Variants in SLC38A10 observed in about 807,000 individuals in gnomAD.
The protein encoded by SLC38A10 is Sodium-coupled neutral amino acid transporter 10.
SLC38A10 carries 53 observed loss-of-function variants against 81.0 expected under a neutral mutation model. That is an observed-to-expected ratio of 0.65 (90% confidence interval 0.53 to 0.82). The LOEUF is 0.82. Among genes scored for constraint, SLC38A10 ranks in the 40% least tolerant of loss-of-function variants. The probability of loss-of-function intolerance (pLI) is 0.00; values close to 1 mark genes in which losing one functional copy is unlikely to be tolerated. For missense variants in SLC38A10, 1,471 were observed against 1,545.0 expected (o/e 0.95, Z 0.80); for synonymous variants, 665 against 655.3 (o/e 1.01, Z -0.23).
At chr17:81,251,970 T>G in intron 13 of SLC38A10, 3 of 680,424 alleles carry the variant, frequency 4.4e-6, no homozygotes, top group Non-Finnish European at 7.0e-6. Context: ...CACCTGACAT[T>G]TAGTGGTCTG....
intron 4 of SLC38A10, among the ~76,000 whole-genome samples, chr17:81,282,895 G>A (rs985921345): frequency 6.6e-6 from 1 of 152,172 alleles, no homozygotes; most frequent in Non-Finnish European, 1.5e-5. Flanking sequence ...GCACCCTAAC[G>A]TGCCGTGATG....
chr17:81,245,739 A>T lies in SLC38A10; in HGVS notation c.3177T>A (p.His1059Gln), dbSNP rs747103608. ...CCCTCGGGGCCAGCTGACCCTCTGCATGAGGGCCAAGGTCCCGCCGTCGCC... is the reference window on the plus strand; with the variant it reads ...CCCTCGGGGCCAGCTGACCCTCTGCTTGAGGGCCAAGGTCCCGCCGTCGCC... The part of the protein sequence containing the change: ...LRRRRRDLGP[H>Q]AEGQLAPRDG... Residue 1059 changes from histidine (H) to glutamine (Q), a missense_variant, in exon 16 of 16, where the codon CAT becomes CAA. By Grantham distance (24) the His-to-Gln change is conservative. Around this residue, in one of 2 missense-constraint regions of SLC38A10, gnomAD observed 751 missense variants for 717.4 expected, o/e 1.05. Coordinates refer to ENST00000374759, the MANE Select transcript of SLC38A10 (RefSeq NM_001037984.3). The T allele has an allele frequency of 6.3e-7, 1 of 1,596,734 alleles. No individual in the cohort carries two copies. The highest frequency in any genetic ancestry group is 1.1e-5 in the South Asian group (1 of 90,372).
chr17:81,251,793 T>A, intron 13 of SLC38A10, 181 bp from the exon 14 acceptor site: 1 of 650,674 alleles, frequency 1.5e-6, no homozygotes, highest in Non-Finnish European at 2.3e-6. Flanking sequence ...AAAAAATATT[T>A]AACAACCTCA....
rs189903295 is a variant in SLC38A10, at chr17:81,283,218, C to G, written c.357+191G>C. Among the ~76,000 whole-genome samples, 1 of 152,142 alleles carries G rather than the reference C, an allele frequency of 6.6e-6. No homozygotes were observed. Among genetic ancestry groups the G allele is most frequent in the Non-Finnish European group, 1.5e-5 (1 of 68,012 alleles). On this transcript the variant is annotated intron_variant, in intron 4 of 15. Coordinates refer to ENST00000374759, the MANE Select transcript of SLC38A10 (RefSeq NM_001037984.3). This position sits in a 1 kb window ranked among gnomAD's most constrained non-coding sequence, Gnocchi z 4.7. ...GTGTCAGACTCTGCCTGGCTTGCTTCCTCGCGTGTACCTCTCACAGACGTG... is the reference window on the plus strand; with the variant it reads ...GTGTCAGACTCTGCCTGGCTTGCTTGCTCGCGTGTACCTCTCACAGACGTG...
At chr17:81,250,314 G>C (rs1265990878) in intron 14 of SLC38A10, among the ~76,000 whole-genome samples, 1 of 152,238 alleles carries the variant, frequency 6.6e-6, no homozygotes, top group Admixed American at 6.5e-5. Context: ...GGCGCCTTTT[G>C]GCTCTGCCTT....
At chr17:81,282,139 T>C in intron 5 of SLC38A10, 50 bp downstream of exon 5, 9 of 1,605,606 alleles carry the variant, frequency 5.6e-6, no homozygotes, top group Non-Finnish European at 7.7e-6. Flanking sequence ...CAGGAAAGAA[T>C]GGGCCAGGAG....
rs769070261 is a variant in SLC38A10 at position 81,276,139 on chromosome 17, C to T, written c.742G>A (p.Gly248Ser). The change falls in exon 8 of 16, where the codon GGC becomes AGC. Residue 248 changes from glycine to serine, a missense_variant. Gly to Ser is a moderately conservative substitution (Grantham distance 56). Transcript: ENST00000374759. The surrounding 1 kb of genome is among the most constrained non-coding windows in gnomAD (Gnocchi z 4.7). ...GTGGCCTCGGTGAAGCTGACGTAGC[C>T]GAAAAACCCCACCTGTTGGAGAATA... The part of the protein sequence containing the change: ...TTFYVMVGFF[G>S]YVSFTEATAG... 2.5e-6 allele frequency: 4 copies of T among 1,610,588 alleles called. No homozygotes were observed. The East Asian group carries it at 6.7e-5, about 27-fold the overall frequency.
chr17:81,274,988 C>A (rs925351440), intron 8 of SLC38A10, among the ~76,000 whole-genome samples: 2 of 152,218 alleles, frequency 1.3e-5, no homozygotes, highest in Non-Finnish European at 2.9e-5. Context: ...CCCACTGCAG[C>A]CTTGAACTCT....
At position 81,277,960 on chromosome 17, in the gene SLC38A10, G is replaced by C. The variant is rs920213262; in HGVS notation, c.627-827C>G. 6.6e-6 allele frequency among the ~76,000 whole-genome samples: 1 copy of C among 151,892 alleles called. No homozygotes were observed. The highest frequency in any genetic ancestry group is 1.9e-4 in the East Asian group (1 of 5,160). Reference sequence around the variant, plus strand: ...GTGGGAGTCCAGGGGGGTGCTCCTAGGGTGTCCAGGTGGCCATGGCCATGG... The same window carrying C: ...GTGGGAGTCCAGGGGGGTGCTCCTACGGTGTCCAGGTGGCCATGGCCATGG... On this transcript the variant is annotated intron_variant, in intron 6 of 15. Coordinates refer to ENST00000374759, the MANE Select transcript of SLC38A10 (RefSeq NM_001037984.3). This position sits in a 1 kb window ranked among gnomAD's most constrained non-coding sequence, Gnocchi z 4.5.
At position 81,253,291 on chromosome 17, in the gene SLC38A10, CGGGGCAGCTCTCCCT is replaced by C; in HGVS notation, c.1289-66_1289-52del. ...CTGCACTGCCAAGCAGCTCCAGGAG[CGGGGCAGCTCTCCCT>C]GGACTGTTACCATATTTTCCAGCCA... On this transcript the variant is annotated intron_variant, in intron 11 of 15. Transcript: ENST00000374759. This position sits in a 1 kb window ranked among gnomAD's most constrained non-coding sequence, Gnocchi z 4.1. 1 of 1,593,224 alleles carries C rather than the reference CGGGGCAGCTCTCCCT, an allele frequency of 6.3e-7. No individual in the cohort carries two copies. Among genetic ancestry groups the C allele is most frequent in the Non-Finnish European group, 8.6e-7 (1 of 1,166,446 alleles).
chr17:81,284,718 A>G (rs959238673), intron 3 of SLC38A10, 132 bp downstream of exon 3: 11 of 655,746 alleles, frequency 1.7e-5, no homozygotes, highest in South Asian at 2.5e-5. Flanking sequence ...TTGGACTTTC[A>G]TGTATTTAGC....
At position 81,294,892 on chromosome 17, in the gene SLC38A10, C is replaced by G; in HGVS notation, c.30G>C (p.Gly10=). 6.3e-6 allele frequency: 10 copies of G among 1,593,472 alleles called. No individual in the cohort carries two copies. Among genetic ancestry groups the G allele is most frequent in the Non-Finnish European group, 8.5e-6 (10 of 1,171,494 alleles). Reference sequence around the variant, plus strand: ...TGCTGTTCACGATGTTCGTGATCAGCCCCCAGTTGGAGGCGGCGGCCGCGG... The same window carrying G: ...TGCTGTTCACGATGTTCGTGATCAGGCCCCAGTTGGAGGCGGCGGCCGCGG... MTAAAASNW[G]LITNIVNSIV... The change falls in exon 1 of 16, where the codon GGG becomes GGC. Residue 10 remains glycine (G), a synonymous_variant. Transcript: ENST00000374759.
Position 81,249,454 on chromosome 17 carries a change from A to G in SLC38A10, c.2065+2039T>C, listed in dbSNP as rs2062888086. On this transcript the variant is annotated intron_variant, in intron 14 of 15. Coordinates refer to ENST00000374759, the MANE Select transcript of SLC38A10 (RefSeq NM_001037984.3). ...AGGAGGGAGGGAGAAGGAGGGAGGG[A>G]AGAGGAGGGAGGAGGGAAGAGGAGG... Among the ~76,000 whole-genome samples the G allele has an allele frequency of 4.4e-3, 4 of 902 alleles. 1 individual carries two copies. Among genetic ancestry groups the G allele is most frequent in the African/African-American group, 0.014 (4 of 278 alleles). 0.6% of individuals were successfully genotyped at this position (902 alleles called of 152,430 possible).
chr17:81,255,552 G>A (rs1279530284), intron 11 of SLC38A10, among the ~76,000 whole-genome samples: 1 of 152,196 alleles, frequency 6.6e-6, no homozygotes, highest in Non-Finnish European at 1.5e-5. Flanking sequence ...TCTGGCATCC[G>A]AATTTCTTCT....
chr17:81,260,876 C>A (rs760077156), intron 10 of SLC38A10, among the ~76,000 whole-genome samples: 7 of 152,250 alleles, frequency 4.6e-5, no homozygotes, highest in African/African-American at 7.2e-5. Context: ...CAGACTTGAG[C>A]GTCCCCGTCC....
chr17:81,287,273 G>C (rs1169376678), intron 2 of SLC38A10, among the ~76,000 whole-genome samples: 1 of 152,188 alleles, frequency 6.6e-6, no homozygotes, highest in African/African-American at 2.4e-5. Flanking sequence ...ATGCCTGGGT[G>C]GGGGCAGATG....
rs373480846 is a variant in SLC38A10, at chr17:81,269,840, C to T, written c.1131+1078G>A. Among the ~76,000 whole-genome samples the T allele has an allele frequency of 4.6e-4, 70 of 151,004 alleles. No homozygotes were observed. The East Asian group carries it at 5.4e-3, about 12-fold the overall frequency. On this transcript the variant is annotated intron_variant, in intron 10 of 15. Transcript: ENST00000374759. Reference sequence around the variant, plus strand: ...TCTCACTAAAAATACAAAATTAGCCCGGCGTGGTGGCTACTCAGGAGGCTG... The same window carrying T: ...TCTCACTAAAAATACAAAATTAGCCTGGCGTGGTGGCTACTCAGGAGGCTG...
intron 6 of SLC38A10, among the ~76,000 whole-genome samples, chr17:81,278,269 A>C (rs564896779): frequency 2.6e-5 from 4 of 152,328 alleles, no homozygotes; most frequent in African/African-American, 9.6e-5. Context: ...CCCAAATACC[A>C]GCACTTTGGG....
rs1365654298 is a variant in SLC38A10 at position 81,270,343 on chromosome 17, G to C, written c.1131+575C>G. ...GATTCTGTCTGCAATAGCAAGACTG[G>C]AGAGGTGAGTCCTTCGGAGACTGGG... On this transcript the variant is annotated intron_variant, in intron 10 of 15. Coordinates refer to ENST00000374759, the MANE Select transcript of SLC38A10 (RefSeq NM_001037984.3). The surrounding 1 kb of genome is among the most constrained non-coding windows in gnomAD (Gnocchi z 4.0). Among the ~76,000 whole-genome samples the C allele has an allele frequency of 6.6e-6, 1 of 152,220 alleles. No individual in the cohort carries two copies. Among genetic ancestry groups the C allele is most frequent in the African/African-American group, 2.4e-5 (1 of 41,448 alleles).
Sources: gnomAD v4.1 joint callset for allele counts (sites outside exome capture counted in the v4.1 genomes callset) on GRCh38, gnomAD v4.1.1 for gene constraint, gnomAD v4.1.1 regional missense constraint, Gnocchi (gnomAD v3.1) non-coding constraint, MANE v1.5 for transcripts, NCBI Gene and HGNC (gene_info 2026-07-23, HGNC 2026-07-21) for gene names.